KIAA1328: variants seen among roughly 807,000 people sequenced by gnomAD.
The protein encoded by KIAA1328 is protein hinderin.
In KIAA1328, 52 loss-of-function variants were observed where a neutral mutation model predicts 68.1. The ratio of observed to expected loss-of-function variants is 0.76; its 90% CI spans 0.61 to 0.96. The LOEUF (loss-of-function observed/expected upper bound fraction) is 0.96. KIAA1328 is among the 40% of genes least tolerant of loss of function. The pLI is 0.00. For synonymous variants in KIAA1328, 232 were observed against 239.4 expected (o/e 0.97, Z 0.28); for missense variants, 641 against 677.6 (o/e 0.95, Z 0.60).
intron 6 of KIAA1328, among the ~76,000 whole-genome samples, chr18:37,066,134 G>A (rs1378678381): frequency 6.6e-6 from 1 of 152,214 alleles, no homozygotes; most frequent in Non-Finnish European, 1.5e-5. Context: ...GAGAATCATT[G>A]ATACAGATTA....
intron 4 of KIAA1328, among the ~76,000 whole-genome samples, chr18:36,874,725 G>C (rs2150943532): frequency 6.6e-6 from 1 of 152,282 alleles, no homozygotes; most frequent in South Asian, 2.1e-4. Context: ...GTTTGCCATT[G>C]CTTTTGGTGT....
intron 4 of KIAA1328, among the ~76,000 whole-genome samples, chr18:36,856,606 T>A (rs1417722709): frequency 1.3e-5 from 2 of 152,296 alleles, no homozygotes; most frequent in East Asian, 3.9e-4. Flanking sequence ...TTCTTTTAGT[T>A]CTTTGAGTGT....
intron 9 of KIAA1328, among the ~76,000 whole-genome samples, chr18:37,207,421 C>T (rs964849242): frequency 6.6e-6 from 1 of 152,148 alleles, no homozygotes. Flanking sequence ...AAAAAGAGTG[C>T]TCAGATTTTG....
At position 36,893,608 on chromosome 18, in the gene KIAA1328, C is replaced by T. The variant is rs192912992; in HGVS notation, c.448+7936C>T. On this transcript the variant is annotated intron_variant, in intron 5 of 9. Coordinates refer to ENST00000280020, the MANE Select transcript of KIAA1328 (RefSeq NM_020776.3). ...AAGTGCTAAGATTACAGACATGAGC[C>T]GCCACACCCAATAGAACTTTTCTTA... Among the ~76,000 whole-genome samples the T allele has an allele frequency of 8.6e-5, 13 of 151,906 alleles. No homozygotes were observed. The South Asian group carries it at 1.0e-3, about 12-fold the overall frequency.
intron 6 of KIAA1328, among the ~76,000 whole-genome samples, chr18:37,021,775 C>CAA (rs35044166): frequency 2.0e-5 from 3 of 150,974 alleles, no homozygotes; most frequent in Middle Eastern, 3.2e-3. Flanking sequence ...TCCTTAAAAC[C>CAA]AAAAAAAATA....
intron 6 of KIAA1328, among the ~76,000 whole-genome samples, chr18:37,051,022 C>T (rs2055670726): frequency 6.6e-6 from 1 of 152,056 alleles, no homozygotes; most frequent in Non-Finnish European, 1.5e-5. Context: ...AGGGACTTAC[C>T]TAAAACAACA....
In KIAA1328 at chr18:36,992,176, G is replaced by A. The variant is rs138117545; in HGVS notation, c.576+32741G>A. Among the ~76,000 whole-genome samples the A allele has an allele frequency of 8.2e-3, 1,253 of 152,290 alleles. 12 individuals carry two copies. Among genetic ancestry groups the A allele is most frequent in the Non-Finnish European group, 0.012 (823 of 68,022 alleles). ...TAGATGTTAAACCTTTGTTGGTTAT[G>A]TGTGTTACAGCCATCTTTGACCAGT... On this transcript the variant is annotated intron_variant, in intron 6 of 9. Transcript: ENST00000280020.
Position 37,160,274 on chromosome 18 carries a change from A to G in KIAA1328, c.1307A>G (p.Asn436Ser), listed in dbSNP as rs2154211420. Residue 436 changes from asparagine (N) to serine (S), a missense_variant, in exon 8 of 10, where the codon AAC (asparagine) becomes AGC (serine). Coordinates refer to ENST00000280020, the MANE Select transcript of KIAA1328 (RefSeq NM_020776.3). ...ATTAAAAAGCACCAAGACCCCCCAAACAGTGGAGAGAATAGGAAGGAGAGG... is the reference window on the plus strand; with the variant it reads ...ATTAAAAAGCACCAAGACCCCCCAAGCAGTGGAGAGAATAGGAAGGAGAGG... ...SSIKKHQDPP[N>S]SGENRKERKT... 1 of 1,613,634 alleles carries G rather than the reference A, an allele frequency of 6.2e-7. No homozygotes were observed. The highest frequency in any genetic ancestry group is 1.1e-5 in the South Asian group (1 of 91,042).
At chr18:37,019,332 A>G (rs1279639884) in intron 6 of KIAA1328, among the ~76,000 whole-genome samples, 1 of 152,210 alleles carries the variant, frequency 6.6e-6, no homozygotes, top group African/African-American at 2.4e-5. Flanking sequence ...GCTGCAGCCA[A>G]TATGACTGGG....
At chr18:36,943,897 T>C (rs1432234764) in intron 5 of KIAA1328, among the ~76,000 whole-genome samples, 2 of 152,234 alleles carry the variant, frequency 1.3e-5, no homozygotes, top group Non-Finnish European at 2.9e-5. Context: ...GTAAATTTCA[T>C]GTTTCCTTAA....
chr18:37,174,062 A>G (rs566926777), intron 9 of KIAA1328, among the ~76,000 whole-genome samples: 3 of 152,230 alleles, frequency 2.0e-5, no homozygotes, highest in Non-Finnish European at 4.4e-5. Flanking sequence ...AATAGCTACC[A>G]TCTATTAAGT....
chr18:37,079,427 A>C (rs558270904), intron 7 of KIAA1328, among the ~76,000 whole-genome samples: 1 of 146,612 alleles, frequency 6.8e-6, no homozygotes. Context: ...ACATGTATAC[A>C]TATGTAACTA....
chr18:36,895,690 C>T, intron 5 of KIAA1328: 2 of 452,576 alleles, frequency 4.4e-6, no homozygotes, highest in African/African-American at 2.0e-5. Flanking sequence ...TTGCGATGGA[C>T]TGAATTGTGT....
At chr18:37,065,771 A>C (rs1397553217) in intron 6 of KIAA1328, among the ~76,000 whole-genome samples, 1 of 152,210 alleles carries the variant, frequency 6.6e-6, no homozygotes, top group Non-Finnish European at 1.5e-5. Flanking sequence ...TTTGAAACAC[A>C]TGCAACATTT....
chr18:37,074,301 G>C (rs2056635143), intron 7 of KIAA1328, among the ~76,000 whole-genome samples: 1 of 152,120 alleles, frequency 6.6e-6, no homozygotes, highest in Non-Finnish European at 1.5e-5. Flanking sequence ...CCACATTGTT[G>C]TTTTTCTGCC....
At chr18:36,862,468 T>G (rs2047595366) in intron 4 of KIAA1328, among the ~76,000 whole-genome samples, 3 of 152,222 alleles carry the variant, frequency 2.0e-5, no homozygotes, top group Admixed American at 2.0e-4. Context: ...ATTTTGTGAC[T>G]GACTTCTTTT....
chr18:36,992,892 C>G (rs929137380), intron 6 of KIAA1328, among the ~76,000 whole-genome samples: 1 of 151,948 alleles, frequency 6.6e-6, no homozygotes. Flanking sequence ...TCGCTTGAGC[C>G]CAGGAACTTG....
intron 7 of KIAA1328, among the ~76,000 whole-genome samples, chr18:37,138,246 T>TTA (rs755196200): frequency 4.6e-5 from 7 of 152,348 alleles, no homozygotes; most frequent in Non-Finnish European, 8.8e-5. Context: ...AGTTGTTTTA[T>TTA]AGATGAGGAA....
chr18:36,864,370 C>T (rs1371996901), intron 4 of KIAA1328, among the ~76,000 whole-genome samples: 2 of 150,044 alleles, frequency 1.3e-5, no homozygotes, highest in Non-Finnish European at 3.0e-5. Flanking sequence ...GGCACAATCT[C>T]GGCTCACTGC....
Sources: allele counts gnomAD v4.1 joint callset (sites outside exome capture counted in the v4.1 genomes callset), GRCh38; gene constraint gnomAD v4.1.1; transcripts MANE v1.5; gene names NCBI Gene and HGNC (gene_info 2026-07-23, HGNC 2026-07-21).